Variants in NFKBID observed in about 807,000 individuals in gnomAD.
NFKBID encodes the protein NF-kappa-B inhibitor delta.
Under a neutral mutation model 53.4 loss-of-function variants are expected in NFKBID, and 26 were observed. That is an observed-to-expected ratio of 0.49 (90% CI 0.36 to 0.68). The LOEUF (loss-of-function observed/expected upper bound fraction) is 0.68. Ranked by LOEUF, NFKBID falls within the 30% of genes least tolerant of loss-of-function variation. The pLI, the probability that NFKBID is intolerant of heterozygous loss-of-function variation, is 0.00. For missense variants in NFKBID, 493 were observed against 614.1 expected, an observed-to-expected ratio of 0.80 and a Z score of 2.08; for synonymous variants, 262 against 259.8, an observed-to-expected ratio of 1.01 and a Z score of -0.08.
intron 9 of NFKBID, among the ~76,000 whole-genome samples, chr19:35,892,419 A>G (rs1974831089): frequency 6.6e-6 from 1 of 151,920 alleles, no homozygotes; most frequent in Non-Finnish European, 1.5e-5. Context: ...GTGTGATAGC[A>G]CATGCCTATA....
chr19:35,896,866 C>T lies in NFKBID; in HGVS notation c.579-35G>A. 3.1e-6 allele frequency: 5 copies of T among 1,613,850 alleles called. No individual in the cohort carries two copies. The highest frequency in any genetic ancestry group is 1.1e-5 in the South Asian group (1 of 91,062). ...GGTGGGGGACAGCCGTGAGAACAGC[C>T]CCCACCAAGCCAAGAGTCTGCAGAC... On this transcript the variant is annotated intron_variant, in intron 5 of 11. Transcript: ENST00000641389. This position sits in a 1 kb window ranked among gnomAD's most constrained non-coding sequence, Gnocchi z 5.7.
chr19:35,900,733 TTGCTC>T (rs571613121), upstream of NFKBID: 153 of 989,536 alleles, frequency 1.5e-4, 1 homozygote, highest in East Asian at 4.6e-3. Flanking sequence ...GTCCAGATCT[TTGCTC>T]TGAAGGAGCC....
At chr19:35,890,562 C>T (rs776564949) in intron 9 of NFKBID, 72 bp from the exon 10 acceptor site, 2 of 1,008,778 alleles carry the variant, frequency 2.0e-6, no homozygotes, top group Non-Finnish European at 3.2e-6. Flanking sequence ...ATCCAGGAGT[C>T]TTTAAAGACC....
At chr19:35,895,868 G>T in intron 9 of NFKBID, 112 bp downstream of exon 9, 1 of 924,382 alleles carries the variant, frequency 1.1e-6, no homozygotes, top group Non-Finnish European at 1.7e-6. Context: ...ACATGTTCAA[G>T]GGCACGCAGC....
upstream of NFKBID, chr19:35,901,715 G>A (rs1975571913): frequency 6.2e-6 from 1 of 162,134 alleles, no homozygotes; most frequent in Non-Finnish European, 1.4e-5. Context: ...GGGATTACAG[G>A]AGCCTGACAC....
At chr19:35,890,265 G>A in intron 10 of NFKBID, 109 bp downstream of exon 10, 1 of 888,904 alleles carries the variant, frequency 1.1e-6, no homozygotes, top group Non-Finnish European at 1.8e-6. Context: ...TTCCCCTGCA[G>A]ATCCCACACA....
upstream of NFKBID, chr19:35,902,270 A>G: frequency 1.4e-6 from 1 of 705,808 alleles, no homozygotes; most frequent in Non-Finnish European, 2.6e-6. Context: ...GATCCCTCTC[A>G]AACACACCCA....
chr19:35,889,858 C>T, intron 11 of NFKBID, 32 bp downstream of exon 11: 3 of 1,572,158 alleles, frequency 1.9e-6, no homozygotes, highest in Non-Finnish European at 1.7e-6. Flanking sequence ...AGCTCAGAGG[C>T]CACTCTACAG....
At chr19:35,900,739 T>TTCAGAGCAAA, upstream of NFKBID, 1 of 878,556 alleles carries the variant, frequency 1.1e-6, no homozygotes, top group Non-Finnish European at 1.5e-6. Context: ...ATCTTTGCTC[T>TTCAGAGCAAA]GAAGGAGCCT....
intron 4 of NFKBID, chr19:35,897,379 C>T (rs545141221): frequency 1.0e-4 from 55 of 552,698 alleles, no homozygotes; most frequent in African/African-American, 7.2e-4. Flanking sequence ...CTCAGCCTCC[C>T]GAGTAGCTAG....
intron 11 of NFKBID, among the ~76,000 whole-genome samples, chr19:35,889,424 G>T (rs561392153): frequency 6.6e-6 from 1 of 152,152 alleles, no homozygotes; most frequent in South Asian, 2.1e-4. Flanking sequence ...GCCTGGGTTC[G>T]TACACTGAGA....
chr19:35,898,744 T>G, exon 2 of NFKBID: 1 of 1,536,072 alleles, frequency 6.5e-7, no homozygotes. Context: ...GTCGGGCTGC[T>G]GCTGCTGGCG....
intron 11 of NFKBID, 113 bp from the exon 12 acceptor site, chr19:35,888,725 G>T: frequency 1.3e-6 from 1 of 770,484 alleles, no homozygotes; most frequent in East Asian, 2.7e-5. Context: ...GGTCCCTTTG[G>T]ATTTGAAGAT....
In NFKBID at chr19:35,895,929, GC is replaced by G. The variant is rs760226294; in HGVS notation, c.1032+50del. On this transcript the variant is annotated intron_variant, in intron 9 of 11. Coordinates refer to ENST00000641389, the Ensembl canonical transcript of NFKBID. ...CCTGGAGCTCCCGGACATCCAAGTG[GC>G]CCCATTCCACACAATCTCCCAGGGT... The G allele has an allele frequency of 1.9e-6, 3 of 1,563,372 alleles. No homozygotes were observed. The Admixed American group carries it at 5.2e-5, about 27-fold the overall frequency.
rs1039732654 is a variant in NFKBID, at chr19:35,896,328, G to A, written c.832-59C>T. On this transcript the variant is annotated intron_variant, in intron 7 of 11. Transcript: ENST00000641389. The surrounding 1 kb of genome is among the most constrained non-coding windows in gnomAD (Gnocchi z 5.7). ...GGTATCCCCTGGCCTCCTGGCCCTGGAAGCCAAAATCTGGGCAACCAGTCT... is the reference window on the plus strand; with the variant it reads ...GGTATCCCCTGGCCTCCTGGCCCTGAAAGCCAAAATCTGGGCAACCAGTCT... The A allele has an allele frequency of 2.5e-6, 4 of 1,613,922 alleles. No individual in the cohort carries two copies. The highest frequency in any genetic ancestry group is 2.2e-5 in the East Asian group (1 of 44,876).
At chr19:35,897,281 G>A (rs1202069200) in intron 4 of NFKBID, among the ~76,000 whole-genome samples, 4 of 151,552 alleles carry the variant, frequency 2.6e-5, no homozygotes, top group Non-Finnish European at 5.9e-5. Context: ...CGGTGACAGA[G>A]TCTTGCTCTG....
In NFKBID at chr19:35,896,549, C is replaced by T. The variant is rs758703197; in HGVS notation, c.685-11G>A. 1 of 1,613,480 alleles carries T rather than the reference C, an allele frequency of 6.2e-7. No homozygotes were observed. The highest frequency in any genetic ancestry group is 1.7e-5 in the Admixed American group (1 of 59,956). ...CACCAGGAGAGGGGTCTGCAGGCCA[C>T]AGGAGAAGTCAGGTTGGGCTCCTGG... is the stretch of plus-strand genomic sequence containing the variant. On this transcript the variant is annotated splice_polypyrimidine_tract_variant and intron_variant, in intron 6 of 11. Coordinates refer to ENST00000641389, the Ensembl canonical transcript of NFKBID. This position sits in a 1 kb window ranked among gnomAD's most constrained non-coding sequence, Gnocchi z 5.7.
At chr19:35,899,586 C>T (rs1451373795) in intron 1 of NFKBID, 1 of 146,020 alleles carries the variant, frequency 6.8e-6, no homozygotes, top group Non-Finnish European at 1.5e-5. Flanking sequence ...AAAAAAAGGC[C>T]CATCCATACA....
exon 3 of NFKBID, chr19:35,898,521 G>A (rs1047665405): frequency 6.5e-7 from 1 of 1,532,574 alleles, no homozygotes; most frequent in African/African-American, 1.4e-5. Context: ...CTGGGGGAGG[G>A]AGAAATTGTC....
Sources: allele counts gnomAD v4.1 joint callset (sites outside exome capture counted in the v4.1 genomes callset), GRCh38; gene constraint gnomAD v4.1.1; non-coding constraint Gnocchi (gnomAD v3.1); transcripts MANE v1.5; gene names NCBI Gene and HGNC (gene_info 2026-07-23, HGNC 2026-07-21).